EPS15L1: variants seen among roughly 807,000 people sequenced by gnomAD.
EPS15L1 encodes the protein epidermal growth factor receptor pathway substrate 15 like 1.
A neutral mutation model predicts 117.1 loss-of-function variants in EPS15L1; 43 were observed. That is an observed-to-expected ratio of 0.37 (90% CI 0.29 to 0.47). The LOEUF (loss-of-function observed/expected upper bound fraction) is 0.47. Ranked by LOEUF, EPS15L1 falls within the 20% of genes least tolerant of loss-of-function variation. The probability of loss-of-function intolerance (pLI) is 0.99; values close to 1 mark genes in which losing one functional copy is unlikely to be tolerated. For synonymous variants in EPS15L1, 459 were observed against 470.5 expected (o/e 0.98, Z 0.32); for missense variants, 981 against 1,164.0 (o/e 0.84, Z 2.29).
chr19:16,455,319 G>A (rs1320241131), intron 1 of EPS15L1, among the ~76,000 whole-genome samples: 2 of 149,526 alleles, frequency 1.3e-5, no homozygotes, highest in South Asian at 2.1e-4. Context: ...GATTGGGGGG[G>A]TCTCATTATT....
intron 1 of EPS15L1, among the ~76,000 whole-genome samples, chr19:16,459,898 C>T (rs1341180401): frequency 6.6e-6 from 1 of 152,164 alleles, no homozygotes; most frequent in Non-Finnish European, 1.5e-5. Flanking sequence ...AGTATTTCAA[C>T]AAATGTTGGC....
At chr19:16,441,114 GA>G in intron 3 of EPS15L1, 1 of 613,430 alleles carries the variant, frequency 1.6e-6, no homozygotes, top group Non-Finnish European at 2.9e-6. Flanking sequence ...GGGCCCAGAG[GA>G]CATCCAGGTG....
intron 6 of EPS15L1, chr19:16,436,538 AG>A (rs1346887887): frequency 6.0e-6 from 1 of 167,450 alleles, no homozygotes; most frequent in Non-Finnish European, 1.3e-5. Context: ...CGAGAAAGCA[AG>A]GGACACATTT....
intron 3 of EPS15L1, 67 bp from the exon 4 acceptor site, chr19:16,440,976 GA>G: frequency 6.7e-7 from 1 of 1,500,738 alleles, no homozygotes; most frequent in Non-Finnish European, 9.3e-7. Context: ...ACAAAAACCA[GA>G]GCCGCCACCA....
At chr19:16,415,397 G>A (rs2092748794) in intron 12 of EPS15L1, among the ~76,000 whole-genome samples, 1 of 152,190 alleles carries the variant, frequency 6.6e-6, no homozygotes, top group African/African-American at 2.4e-5. Context: ...TCAGGGACAG[G>A]AACACCATGT....
intron 1 of EPS15L1, among the ~76,000 whole-genome samples, chr19:16,459,371 C>T (rs2093227052): frequency 6.6e-6 from 1 of 152,176 alleles, no homozygotes; most frequent in African/African-American, 2.4e-5. Flanking sequence ...ATGACCGGCC[C>T]CTCTCACTAC....
intron 23 of EPS15L1, among the ~76,000 whole-genome samples, chr19:16,360,386 A>G (rs1235776033): frequency 1.3e-5 from 2 of 152,156 alleles, no homozygotes; most frequent in African/African-American, 4.8e-5. Flanking sequence ...ATCTAGGGTC[A>G]ACAAAATCAA....
At chr19:16,374,748 C>T (rs1182041107) in intron 22 of EPS15L1, among the ~76,000 whole-genome samples, 3 of 152,206 alleles carry the variant, frequency 2.0e-5, no homozygotes, top group Admixed American at 1.3e-4. Flanking sequence ...CCAGCAAATA[C>T]GGCACTGCTC....
At position 16,394,006 on chromosome 19, in the gene EPS15L1, T is replaced by G. The variant is rs2092512805; in HGVS notation, c.1916-5A>C. ...GGTCATTCTGGAACGGGTCGCCTGGTTGGAAGAGGAGAGAAATGCTTATTA... is the reference window on the plus strand; with the variant it reads ...GGTCATTCTGGAACGGGTCGCCTGGGTGGAAGAGGAGAGAAATGCTTATTA... On this transcript the variant is annotated splice_polypyrimidine_tract_variant and splice_region_variant and intron_variant, in intron 17 of 23. Coordinates refer to ENST00000455140, the MANE Select transcript of EPS15L1 (RefSeq NM_001258374.3). The G allele has an allele frequency of 1.2e-6, 2 of 1,614,008 alleles. No individual in the cohort carries two copies. The highest frequency in any genetic ancestry group is 1.7e-6 in the Non-Finnish European group (2 of 1,179,912).
At chr19:16,454,149 C>CTGGA (rs1447671060) in intron 1 of EPS15L1, among the ~76,000 whole-genome samples, 1 of 152,206 alleles carries the variant, frequency 6.6e-6, no homozygotes, top group Non-Finnish European at 1.5e-5. Context: ...CTTGAGGGCA[C>CTGGA]AGATGCAGAC....
At chr19:16,450,914 T>C (rs2093135400) in intron 1 of EPS15L1, among the ~76,000 whole-genome samples, 1 of 152,092 alleles carries the variant, frequency 6.6e-6, no homozygotes, top group Non-Finnish European at 1.5e-5. Context: ...ACCACCATTA[T>C]GCAAATGTTG....
At chr19:16,361,669 C>A in intron 23 of EPS15L1, 110 bp downstream of exon 23, 1 of 1,458,766 alleles carries the variant, frequency 6.9e-7, no homozygotes, top group Non-Finnish European at 9.0e-7. Flanking sequence ...GTGTGAGGTA[C>A]CAAGAGGCTA....
intron 12 of EPS15L1, among the ~76,000 whole-genome samples, chr19:16,415,789 A>C (rs528490729): frequency 2.0e-5 from 3 of 152,302 alleles, no homozygotes; most frequent in African/African-American, 7.2e-5. Context: ...TTCACGCCCC[A>C]GCGTCCCTTC....
At chr19:16,382,105 C>T (rs760607128) in intron 21 of EPS15L1, among the ~76,000 whole-genome samples, 1 of 152,178 alleles carries the variant, frequency 6.6e-6, no homozygotes. Flanking sequence ...CCAGGCTGAC[C>T]GGGGACACCT....
At position 16,404,926 on chromosome 19, in the gene EPS15L1, G is replaced by A. The variant is rs932959940; in HGVS notation, c.1267-177C>T. Reference sequence around the variant, plus strand: ...GCCAATGTGTGCCTCTTGGGCTGGAGGCCCAGGGCCACTGTCTCACCAGCT... The same window carrying A: ...GCCAATGTGTGCCTCTTGGGCTGGAAGCCCAGGGCCACTGTCTCACCAGCT... On this transcript the variant is annotated intron_variant, in intron 13 of 23. Coordinates refer to ENST00000455140, the MANE Select transcript of EPS15L1 (RefSeq NM_001258374.3). This position sits in a 1 kb window ranked among gnomAD's most constrained non-coding sequence, Gnocchi z 4.2. 2.6e-5 allele frequency among the ~76,000 whole-genome samples: 4 copies of A among 152,210 alleles called. No homozygotes were observed. The highest frequency in any genetic ancestry group is 4.8e-5 in the African/African-American group (2 of 41,458).
At chr19:16,413,744 G>A (rs761056945) in intron 13 of EPS15L1, 29 bp downstream of exon 13, 1 of 1,588,986 alleles carries the variant, frequency 6.3e-7, no homozygotes, top group Non-Finnish European at 8.6e-7. Flanking sequence ...GCACAAAGTA[G>A]ATGTAACCAA....
At chr19:16,377,395 C>T (rs559488935) in intron 21 of EPS15L1, 141 bp from the exon 22 acceptor site, 26 of 903,386 alleles carry the variant, frequency 2.9e-5, no homozygotes, top group South Asian at 1.0e-4. Context: ...CCTGCTTGGA[C>T]GTGGGGTCTC....
In EPS15L1 at chr19:16,418,107, G is replaced by A. The variant is rs1412942207; in HGVS notation, c.951-3C>T. On this transcript the variant is annotated splice_polypyrimidine_tract_variant and splice_region_variant and intron_variant, in intron 10 of 23. Coordinates refer to ENST00000455140, the MANE Select transcript of EPS15L1 (RefSeq NM_001258374.3). Reference sequence around the variant, plus strand: ...TTTGCCTCGTATCGGCCAGGGCCCTGGGAGAAACGTGGGGATGCTAATTAC... The same window carrying A: ...TTTGCCTCGTATCGGCCAGGGCCCTAGGAGAAACGTGGGGATGCTAATTAC... The A allele has an allele frequency of 1.9e-6, 3 of 1,611,204 alleles. No homozygotes were observed. In the East Asian group the frequency reaches 6.7e-5, roughly 36 times the overall value.
chr19:16,391,444 C>T (rs999978130), intron 19 of EPS15L1, among the ~76,000 whole-genome samples: 10 of 152,040 alleles, frequency 6.6e-5, no homozygotes, highest in African/African-American at 1.7e-4. Context: ...GCGCTAAAGA[C>T]CAAAAGGTCC....
Sources: gnomAD v4.1 joint callset for allele counts (sites outside exome capture counted in the v4.1 genomes callset) on GRCh38, gnomAD v4.1.1 for gene constraint, Gnocchi (gnomAD v3.1) non-coding constraint, MANE v1.5 for transcripts, NCBI Gene and HGNC (gene_info 2026-07-23, HGNC 2026-07-21) for gene names.